The following VPS35L variants were observed in gnomAD, a reference collection of about 807,000 sequenced individuals.
VPS35L encodes VPS35 endosomal protein-sorting factor-like.
Under a neutral mutation model 133.0 loss-of-function variants are expected in VPS35L, and 83 were observed. That is an observed-to-expected ratio of 0.62 (90% CI 0.52 to 0.75). The LOEUF is 0.75. Among genes scored for constraint, VPS35L ranks in the 30% least tolerant of loss-of-function variants. The pLI is 0.00. For synonymous variants in VPS35L, 423 were observed against 449.9 expected (o/e 0.94, Z 0.76); for missense variants, 1,083 against 1,206.8 (o/e 0.90, Z 1.52).
intron 2 of VPS35L, among the ~76,000 whole-genome samples, chr16:19,568,470 C>A (rs1456561577): frequency 1.3e-5 from 2 of 151,740 alleles, no homozygotes; most frequent in Non-Finnish European, 2.9e-5. Flanking sequence ...CGGTCTCCAG[C>A]CCTCTCACCT....
chr16:19,627,899 C>T, intron 16 of VPS35L, 94 bp downstream of exon 16: 1 of 956,560 alleles, frequency 1.0e-6, no homozygotes. Context: ...ACAGCATGGG[C>T]CAGCAGGAAC....
At chr16:19,670,959 C>T (rs1974853544) in intron 27 of VPS35L, among the ~76,000 whole-genome samples, 1 of 152,208 alleles carries the variant, frequency 6.6e-6, no homozygotes, top group Admixed American at 6.5e-5. Context: ...GTTCACATCA[C>T]ATTTCAGATG....
chr16:19,556,922 C>T (rs1055678961), intron 1 of VPS35L, among the ~76,000 whole-genome samples: 4 of 151,212 alleles, frequency 2.6e-5, no homozygotes, highest in East Asian at 1.9e-4. Flanking sequence ...GTCAGGGGTT[C>T]GAGACCAGCC....
At chr16:19,610,203 G>A in intron 11 of VPS35L, 119 bp from the exon 12 acceptor site, 3 of 818,508 alleles carry the variant, frequency 3.7e-6, no homozygotes, top group Admixed American at 2.4e-5. Flanking sequence ...GTTTGTTACT[G>A]AAACTTGATT....
chr16:19,586,079 G>T (rs531817722), intron 7 of VPS35L, among the ~76,000 whole-genome samples: 2 of 151,772 alleles, frequency 1.3e-5, no homozygotes, highest in Admixed American at 6.6e-5. Flanking sequence ...TAAATTTTTT[G>T]TAGAAACGGA....
Position 19,700,476 on chromosome 16 carries a change from AC to A in VPS35L, c.*5del, listed in dbSNP as rs1380261963. ...GACTCCCTCTGCAAACAAGGACCTG[AC>A]CCCCGGGCCCATCCCCAGGCTCAGG... is the stretch of plus-strand genomic sequence containing the variant. On this transcript the variant is annotated 3_prime_UTR_variant, in exon 31 of 31. Coordinates refer to ENST00000417362, the MANE Select transcript of VPS35L (RefSeq NM_020314.7). 9.3e-6 allele frequency: 15 copies of A among 1,613,236 alleles called. No individual in the cohort carries two copies. Among genetic ancestry groups the A allele is most frequent in the African/African-American group, 1.3e-5 (1 of 74,872 alleles).
intron 7 of VPS35L, among the ~76,000 whole-genome samples, chr16:19,585,662 C>T (rs894867980): frequency 3.3e-5 from 5 of 152,080 alleles, no homozygotes; most frequent in African/African-American, 7.2e-5. Flanking sequence ...ATCTCAGCCT[C>T]CCAAAGTGCT....
Position 19,700,610 on chromosome 16 carries a change from G to T in VPS35L, c.*134G>T. On this transcript the variant is annotated 3_prime_UTR_variant, in exon 31 of 31. Transcript: ENST00000417362. ...TTTACATATGTACAAATTGTTTTAAGCTTTGGCCTCTATCCAGGTTATTCT... is the reference window on the plus strand; with the variant it reads ...TTTACATATGTACAAATTGTTTTAATCTTTGGCCTCTATCCAGGTTATTCT... 1.4e-6 allele frequency: 1 copy of T among 728,716 alleles called. No homozygotes were observed. 45.1% of individuals were successfully genotyped at this position (728,716 alleles called of 1,614,324 possible). A position where few individuals can be genotyped will look rare whatever the true frequency, so the allele number is the denominator to read the frequency against.
At chr16:19,595,787 G>T (rs1430736695) in intron 8 of VPS35L, among the ~76,000 whole-genome samples, 1 of 152,158 alleles carries the variant, frequency 6.6e-6, no homozygotes, top group Non-Finnish European at 1.5e-5. Context: ...GCTGGGAGTT[G>T]GGAACAGCAG....
chr16:19,588,008 C>A (rs1285727741), intron 7 of VPS35L, among the ~76,000 whole-genome samples: 1 of 151,860 alleles, frequency 6.6e-6, no homozygotes, highest in African/African-American at 2.4e-5. Context: ...CCATGTTGGC[C>A]AGGGTGGTCT....
At chr16:19,608,312 G>A in intron 10 of VPS35L, 38 bp downstream of exon 10, 1 of 1,398,158 alleles carries the variant, frequency 7.2e-7, no homozygotes, top group Non-Finnish European at 1.0e-6. Flanking sequence ...TGATTTTAAA[G>A]ATAGGCTAAA....
At chr16:19,576,792 T>C (rs1014500134) in intron 5 of VPS35L, among the ~76,000 whole-genome samples, 1 of 151,982 alleles carries the variant, frequency 6.6e-6, no homozygotes, top group African/African-American at 2.4e-5. Context: ...GTGCAACCTC[T>C]GCCTCCTGGG....
rs939458315 is a variant in VPS35L at position 19,592,009 on chromosome 16, T to C, written c.724+135T>C. ...TAAGTCATGGGAGAGATCAAACCGT[T>C]CCCCCCCACGCCCATTAATAAGGGC... On this transcript the variant is annotated intron_variant, in intron 8 of 30. Transcript: ENST00000417362. 13 of 646,300 alleles carry C rather than the reference T, an allele frequency of 2.0e-5. No individual in the cohort carries two copies. In the Admixed American group the frequency reaches 2.4e-4, roughly 12 times the overall value. The allele number at this position is 646,300 out of a possible 1,614,324, so 40.0% of individuals were successfully genotyped here. A position where few individuals can be genotyped will look rare whatever the true frequency, so the allele number is the denominator to read the frequency against.
At chr16:19,692,859 G>A (rs910660035) in intron 29 of VPS35L, among the ~76,000 whole-genome samples, 1 of 152,210 alleles carries the variant, frequency 6.6e-6, no homozygotes, top group African/African-American at 2.4e-5. Flanking sequence ...TATTGCGCCC[G>A]GCCAATATAT....
chr16:19,591,432 T>C (rs943772942), intron 7 of VPS35L, among the ~76,000 whole-genome samples: 2 of 151,986 alleles, frequency 1.3e-5, no homozygotes, highest in African/African-American at 2.4e-5. Context: ...GAGACTGTTA[T>C]GGGCCGGGTG....
intron 9 of VPS35L, chr16:19,607,798 G>A (rs758263210): frequency 4.6e-5 from 8 of 172,304 alleles, no homozygotes; most frequent in Non-Finnish European, 5.0e-5. Context: ...TAAGAATGTC[G>A]GCCGCAGGGC....
chr16:19,617,211 A>G (rs1972924668), intron 14 of VPS35L: 2 of 477,052 alleles, frequency 4.2e-6, no homozygotes, highest in Non-Finnish European at 7.5e-6. Context: ...AGAAAAAATT[A>G]GCCAGACACG....
Position 19,609,027 on chromosome 16 carries a change from G to A in VPS35L, c.929+6G>A, listed in dbSNP as rs376339301. The A allele has an allele frequency of 6.2e-7, 1 of 1,612,680 alleles. No individual in the cohort carries two copies. The highest frequency in any genetic ancestry group is 8.5e-7 in the Non-Finnish European group (1 of 1,178,884). On this transcript the variant is annotated splice_donor_region_variant and intron_variant, in intron 11 of 30. Transcript: ENST00000417362. ...AACAAATTCCTCTCCAAAACGTAAG[G>A]CTCTTCGGTAAAATCTAGAACCATA...
intron 7 of VPS35L, among the ~76,000 whole-genome samples, chr16:19,587,798 T>A (rs975778102): frequency 1.0e-4 from 7 of 69,816 alleles, no homozygotes; most frequent in South Asian, 9.3e-4. Flanking sequence ...CCACATTGTC[T>A]TTTTTTTTTT....
Sources: gnomAD v4.1 joint callset for allele counts (sites outside exome capture counted in the v4.1 genomes callset) on GRCh38, gnomAD v4.1.1 for gene constraint, MANE v1.5 for transcripts, NCBI Gene and HGNC (gene_info 2026-07-23, HGNC 2026-07-21) for gene names.